Variants in CNOT6L observed in about 807,000 individuals in gnomAD.
CNOT6L encodes CCR4-NOT transcription complex subunit 6-like.
In CNOT6L, 7 loss-of-function variants were observed where a neutral mutation model predicts 64.0. The observed-to-expected ratio is 0.11, with a 90% CI of 0.06 to 0.21. The LOEUF is 0.21. CNOT6L is among the 10% of genes least tolerant of loss of function. The pLI is 1.00. For missense variants in CNOT6L, 245 were observed against 669.0 expected (o/e 0.37, Z 6.99); for synonymous variants, 193 against 243.4 (o/e 0.79, Z 1.93).
chr4:77,777,564 A>G (rs1728290456), intron 1 of CNOT6L, among the ~76,000 whole-genome samples: 1 of 152,248 alleles, frequency 6.6e-6, no homozygotes, highest in Non-Finnish European at 1.5e-5. Context: ...AATCCAGTTC[A>G]TATCTAACAA....
intron 1 of CNOT6L, among the ~76,000 whole-genome samples, chr4:77,805,141 T>C (rs919128280): frequency 1.3e-5 from 2 of 152,186 alleles, no homozygotes; most frequent in East Asian, 3.8e-4. Flanking sequence ...GAGCCAATCC[T>C]CTCTATACCA....
At chr4:77,772,688 C>T (rs1727700353) in intron 4 of CNOT6L, among the ~76,000 whole-genome samples, 1 of 151,958 alleles carries the variant, frequency 6.6e-6, no homozygotes, top group Admixed American at 6.6e-5. Flanking sequence ...TTTGGGAGGC[C>T]GAGGCCGGCG....
chr4:77,776,622 C>CA (rs1320821357), intron 1 of CNOT6L, among the ~76,000 whole-genome samples: 13 of 152,208 alleles, frequency 8.5e-5, no homozygotes, highest in Non-Finnish European at 1.6e-4. Flanking sequence ...TAAGCAACAG[C>CA]ACTGGACTTT....
At chr4:77,784,621 CT>C (rs1729238148) in intron 1 of CNOT6L, among the ~76,000 whole-genome samples, 2 of 151,798 alleles carry the variant, frequency 1.3e-5, no homozygotes, top group East Asian at 1.9e-4. Context: ...GTACCGAGGA[CT>C]ACAGGTGCAC....
intron 1 of CNOT6L, among the ~76,000 whole-genome samples, chr4:77,781,637 AAAC>A (rs2110082091): frequency 6.6e-6 from 1 of 152,312 alleles, no homozygotes; most frequent in South Asian, 2.1e-4. Flanking sequence ...CCCCCTGAAA[AAAC>A]AAGCTGGCCA....
Position 77,773,172 on chromosome 4 carries a change from T to G in CNOT6L, c.315-6A>C. Reference sequence around the variant, plus strand: ...TGTTATTTAAAAGCAATTCCCTGTTTTAAAAAAAAAAAAAAAATTAGTTTA... The same window carrying G: ...TGTTATTTAAAAGCAATTCCCTGTTGTAAAAAAAAAAAAAAAATTAGTTTA... On this transcript the variant is annotated splice_region_variant and splice_polypyrimidine_tract_variant and intron_variant, in intron 3 of 11. Transcript: ENST00000504123. 1.3e-6 allele frequency: 2 copies of G among 1,526,570 alleles called. No homozygotes were observed. Among genetic ancestry groups the G allele is most frequent in the Non-Finnish European group, 1.8e-6 (2 of 1,138,678 alleles). The allele number at this position is 1,526,570 out of a possible 1,614,324, so 94.6% of individuals were successfully genotyped here.
chr4:77,815,466 CCA>C (rs1326732209), intron 1 of CNOT6L, among the ~76,000 whole-genome samples: 1 of 152,164 alleles, frequency 6.6e-6, no homozygotes, highest in Admixed American at 6.5e-5. Flanking sequence ...CCTCTCCCCA[CCA>C]CTCTCCACTC....
chr4:77,728,923 T>G lies in CNOT6L; in HGVS notation c.1183A>C (p.Ser395Arg), dbSNP rs777990649. Residue 395 changes from serine to arginine, a missense_variant, in exon 10 of 12, where the codon AGC becomes CGC. By Grantham distance (110) the Ser-to-Arg change is moderately radical (BLOSUM62 -1). Coordinates refer to ENST00000504123, the MANE Select transcript of CNOT6L (RefSeq NM_144571.3). ...ATGGAATTAGGATCTGCAGTTGGGC[T>G]TCCAGGCCTACTAGAGGCTTTCTCC... ...ILEKASSRPG[S>R]PTADPNSIPL... is the part of the protein sequence containing the mutation. The G allele has an allele frequency of 6.2e-7, 1 of 1,613,730 alleles. No individual in the cohort carries two copies. The highest frequency in any genetic ancestry group is 1.3e-5 in the African/African-American group (1 of 74,912).
chr4:77,724,826 T>C (rs189836940), intron 11 of CNOT6L, among the ~76,000 whole-genome samples: 2 of 150,688 alleles, frequency 1.3e-5, no homozygotes, highest in East Asian at 3.9e-4. Flanking sequence ...GGATTTAAGC[T>C]GTGGTAAACT....
intron 1 of CNOT6L, among the ~76,000 whole-genome samples, chr4:77,797,463 C>T (rs1447012102): frequency 6.6e-6 from 1 of 152,190 alleles, no homozygotes; most frequent in Non-Finnish European, 1.5e-5. Flanking sequence ...AGCATATTCA[C>T]ACTGTTTAGT....
intron 8 of CNOT6L, among the ~76,000 whole-genome samples, chr4:77,739,703 T>C (rs1290016405): frequency 6.6e-6 from 1 of 152,208 alleles, no homozygotes; most frequent in African/African-American, 2.4e-5. Flanking sequence ...ATTCAATCTG[T>C]TGCCAGATCC....
At chr4:77,751,889 G>C (rs909870018) in intron 5 of CNOT6L, among the ~76,000 whole-genome samples, 1 of 152,126 alleles carries the variant, frequency 6.6e-6, no homozygotes, top group Non-Finnish European at 1.5e-5. Flanking sequence ...AGCTAAAAGA[G>C]GGCCAGATGC....
intron 1 of CNOT6L, among the ~76,000 whole-genome samples, chr4:77,818,750 T>TGGGCTCGCGC (rs1272693476): frequency 6.6e-6 from 1 of 151,874 alleles, no homozygotes; most frequent in Non-Finnish European, 1.5e-5. Flanking sequence ...GGCAGCGCCG[T>TGGGCTCGCGC]GGGCTCGCGC....
intron 1 of CNOT6L, among the ~76,000 whole-genome samples, chr4:77,782,666 G>C (rs536579175): frequency 7.1e-6 from 1 of 140,762 alleles, no homozygotes; most frequent in Non-Finnish European, 1.5e-5. Context: ...TTTTTAAAGA[G>C]ACAGTGTCTA....
intron 1 of CNOT6L, 171 bp downstream of exon 1, chr4:77,819,130 CAGT>C: frequency 7.8e-7 from 1 of 1,288,192 alleles, no homozygotes; most frequent in Admixed American, 2.0e-5. Flanking sequence ...CCGCCCCCTC[CAGT>C]CACCCGACAC....
intron 2 of CNOT6L, among the ~76,000 whole-genome samples, chr4:77,775,728 A>G (rs778236824): frequency 4.6e-5 from 7 of 152,160 alleles, no homozygotes; most frequent in Non-Finnish European, 7.3e-5. Context: ...CATGACCATG[A>G]CAATTTTGAG....
Position 77,719,429 on chromosome 4 carries a change from G to C in CNOT6L, c.*1002C>G, listed in dbSNP as rs1055482691. On this transcript the variant is annotated 3_prime_UTR_variant, in exon 12 of 12. Transcript: ENST00000504123. Reference sequence around the variant, plus strand: ...AGAAACCAACAGCCACATAATCTATGTTGGAAACACATAAAATATCTGTAT... The same window carrying C: ...AGAAACCAACAGCCACATAATCTATCTTGGAAACACATAAAATATCTGTAT... The C allele has an allele frequency of 2.0e-5, 3 of 152,570 alleles. No individual in the cohort carries two copies. The highest frequency in any genetic ancestry group is 7.2e-5 in the African/African-American group (3 of 41,440). The allele number at this position is 152,570 out of a possible 1,614,324, so 9.5% of individuals were successfully genotyped here.
chr4:77,734,148 A>G (rs963801345), intron 8 of CNOT6L, among the ~76,000 whole-genome samples: 4 of 152,278 alleles, frequency 2.6e-5, no homozygotes, highest in East Asian at 1.9e-4. Context: ...GAACTAACAT[A>G]TATCTGAAAT....
intron 1 of CNOT6L, among the ~76,000 whole-genome samples, chr4:77,786,802 T>C (rs1482197375): frequency 1.3e-5 from 2 of 151,528 alleles, no homozygotes; most frequent in Non-Finnish European, 2.9e-5. Flanking sequence ...AAGGAAACAA[T>C]ATGAGGAGAG....
Sources: gnomAD v4.1 joint callset for allele counts (sites outside exome capture counted in the v4.1 genomes callset) on GRCh38, gnomAD v4.1.1 for gene constraint, MANE v1.5 for transcripts, NCBI Gene and HGNC (gene_info 2026-07-23, HGNC 2026-07-21) for gene names.